The following CTNNA3 variants were observed in gnomAD, a reference collection of about 807,000 sequenced individuals.
The protein encoded by CTNNA3 is catenin alpha 3.
Under a neutral mutation model 95.7 loss-of-function variants are expected in CTNNA3, and 76 were observed. The observed-to-expected ratio is 0.79, with a 90% CI of 0.66 to 0.96. The LOEUF is 0.96. Among genes scored for constraint, CTNNA3 ranks in the 40% least tolerant of loss-of-function variants. CTNNA3 has a pLI of 0.00. For synonymous variants in CTNNA3, 431 were observed against 374.4 expected (o/e 1.15, Z -1.74); for missense variants, 1,191 against 1,089.8 (o/e 1.09, Z -1.31).
chr10:66,085,840 A>G (rs1203164428), intron 14 of CTNNA3, among the ~76,000 whole-genome samples: 1 of 98,216 alleles, frequency 1.0e-5, no homozygotes, highest in African/African-American at 3.6e-5. Flanking sequence ...AAGTAATTCA[A>G]TCCCTTTTTA....
intron 7 of CTNNA3, among the ~76,000 whole-genome samples, chr10:67,029,981 C>A (rs1260001667): frequency 1.3e-5 from 2 of 152,214 alleles, no homozygotes; most frequent in African/African-American, 4.8e-5. Flanking sequence ...CCAAATCCTT[C>A]ATAAATGCAT....
chr10:67,474,226 A>G (rs1246598789), intron 5 of CTNNA3, among the ~76,000 whole-genome samples: 1 of 152,208 alleles, frequency 6.6e-6, no homozygotes, highest in African/African-American at 2.4e-5. Context: ...TGATTTTGGT[A>G]TCCATGGAGG....
intron 1 of CTNNA3, among the ~76,000 whole-genome samples, chr10:67,674,898 C>T (rs777714818): frequency 3.3e-5 from 5 of 151,022 alleles, no homozygotes; most frequent in Admixed American, 6.6e-5. Context: ...ATATGTCCCT[C>T]TTTGTCTAGG....
At chr10:66,296,857 T>A (rs2091787066) in intron 12 of CTNNA3, among the ~76,000 whole-genome samples, 1 of 152,072 alleles carries the variant, frequency 6.6e-6, no homozygotes, top group South Asian at 2.1e-4. Flanking sequence ...AAAAGAAAAG[T>A]AGAACTACTT....
intron 3 of CTNNA3, among the ~76,000 whole-genome samples, chr10:67,565,995 T>TATA (rs1427027610): frequency 1.9e-5 from 2 of 105,602 alleles, no homozygotes; most frequent in African/African-American, 7.3e-5. Flanking sequence ...TATATATATA[T>TATA]TATATATATA....
chr10:66,996,645 T>TCTA (rs1414005419), intron 7 of CTNNA3, among the ~76,000 whole-genome samples: 2 of 24,146 alleles, frequency 8.3e-5, no homozygotes, highest in African/African-American at 4.5e-4. Context: ...AGACTCCGTC[T>TCTA]CTACAAAAAA....
chr10:67,754,331 A>G (rs547432173), intron 1 of CTNNA3, among the ~76,000 whole-genome samples: 7 of 152,272 alleles, frequency 4.6e-5, no homozygotes, highest in Admixed American at 4.6e-4. Context: ...GGAGAGCATC[A>G]GGATAAACAG....
At chr10:67,326,845 C>T (rs576825528) in intron 5 of CTNNA3, among the ~76,000 whole-genome samples, 2 of 152,304 alleles carry the variant, frequency 1.3e-5, no homozygotes, top group South Asian at 4.1e-4. Context: ...TTCCCCATCT[C>T]TTTCAGGGAC....
At chr10:66,872,756 G>T (rs1844462874) in intron 7 of CTNNA3, among the ~76,000 whole-genome samples, 2 of 152,058 alleles carry the variant, frequency 1.3e-5, no homozygotes, top group African/African-American at 2.4e-5. Context: ...GGTAGATTGT[G>T]TGATGCTGAC....
chr10:66,678,622 T>C (rs1259385612), intron 9 of CTNNA3, among the ~76,000 whole-genome samples: 2 of 152,104 alleles, frequency 1.3e-5, no homozygotes, highest in African/African-American at 4.8e-5. Context: ...AGAAGAACAC[T>C]TTTGGGGCTA....
At chr10:67,393,213 T>C (rs1844578523) in intron 5 of CTNNA3, among the ~76,000 whole-genome samples, 1 of 152,158 alleles carries the variant, frequency 6.6e-6, no homozygotes, top group African/African-American at 2.4e-5. Flanking sequence ...ATACCATCTG[T>C]GTGCTACAGA....
intron 9 of CTNNA3, among the ~76,000 whole-genome samples, chr10:66,744,869 T>G (rs1849450019): frequency 6.6e-6 from 1 of 152,164 alleles, no homozygotes; most frequent in African/African-American, 2.4e-5. Context: ...GTTTTTATGT[T>G]GAGGAATAAA....
At chr10:66,052,157 T>A (rs1387882500) in intron 15 of CTNNA3, among the ~76,000 whole-genome samples, 1 of 152,276 alleles carries the variant, frequency 6.6e-6, no homozygotes, top group East Asian at 1.9e-4. Context: ...TGCCATTATA[T>A]GAACAAACAG....
At chr10:67,034,295 T>A (rs973840290) in intron 7 of CTNNA3, among the ~76,000 whole-genome samples, 1 of 152,210 alleles carries the variant, frequency 6.6e-6, no homozygotes, top group Admixed American at 6.5e-5. Context: ...CAAGCAATCA[T>A]TTATTCAGTC....
intron 1 of CTNNA3, among the ~76,000 whole-genome samples, chr10:67,736,968 A>AT (rs904428431): frequency 6.0e-5 from 9 of 150,592 alleles, no homozygotes; most frequent in East Asian, 3.9e-4. Flanking sequence ...TTTTATTTTA[A>AT]TTTTTTTTTG....
At chr10:67,144,443 T>C (rs532087780) in intron 7 of CTNNA3, among the ~76,000 whole-genome samples, 80 of 152,380 alleles carry the variant, frequency 5.3e-4, no homozygotes, top group Middle Eastern at 6.8e-3. Context: ...AGATGACATC[T>C]TCTTCCAACA....
At chr10:67,152,870 G>A (rs1861146521) in intron 7 of CTNNA3, among the ~76,000 whole-genome samples, 1 of 152,142 alleles carries the variant, frequency 6.6e-6, no homozygotes, top group Non-Finnish European at 1.5e-5. Flanking sequence ...ATATGAGAAA[G>A]AGAATGAAAC....
At chr10:65,921,191 C>T (rs771625836) in intron 17 of CTNNA3, among the ~76,000 whole-genome samples, 1 of 152,170 alleles carries the variant, frequency 6.6e-6, no homozygotes, top group Non-Finnish European at 1.5e-5. Context: ...AAAAACATAT[C>T]AATAGCCATT....
intron 1 of CTNNA3, among the ~76,000 whole-genome samples, chr10:67,744,635 A>G (rs1354923421): frequency 6.6e-6 from 1 of 151,162 alleles, no homozygotes; most frequent in Non-Finnish European, 1.5e-5. Context: ...ATGGCAACAA[A>G]AGCCAAAATT....
Sources: gnomAD v4.1 joint callset for allele counts (sites outside exome capture counted in the v4.1 genomes callset) on GRCh38, gnomAD v4.1.1 for gene constraint, MANE v1.5 for transcripts, NCBI Gene and HGNC (gene_info 2026-07-23, HGNC 2026-07-21) for gene names.